Variants in BTN3A3 observed in about 807,000 individuals in gnomAD.
BTN3A3 encodes butyrophilin 3.
BTN3A3 carries 39 observed loss-of-function variants against 43.2 expected under a neutral mutation model. That is an observed-to-expected ratio of 0.90 (90% confidence interval 0.70 to 1.18). BTN3A3 has a LOEUF of 1.18. Ranked by LOEUF, BTN3A3 falls within the 50% of genes most tolerant of loss-of-function variation. The probability of loss-of-function intolerance (pLI) is 0.00; values close to 1 mark genes in which losing one functional copy is unlikely to be tolerated. For missense variants in BTN3A3, 631 were observed against 722.8 expected (o/e 0.87, Z 1.46); for synonymous variants, 255 against 272.7 (o/e 0.93, Z 0.64).
intron 5 of BTN3A3, among the ~76,000 whole-genome samples, chr6:26,446,627 A>G (rs1460824504): frequency 6.6e-6 from 1 of 152,212 alleles, no homozygotes; most frequent in Non-Finnish European, 1.5e-5. Context: ...TGGGGGATCT[A>G]TCCAAACTAC....
At chr6:26,450,911 G>A (rs185415471) in intron 10 of BTN3A3, among the ~76,000 whole-genome samples, 1 of 152,192 alleles carries the variant, frequency 6.6e-6, no homozygotes, top group Non-Finnish European at 1.5e-5. Context: ...GGAAGCAGGA[G>A]AATAAACAGT....
In BTN3A3 at chr6:26,451,707, G is replaced by T; in HGVS notation, c.1051G>T (p.Ala351Ser). 1 of 1,613,814 alleles carries T rather than the reference G, an allele frequency of 6.2e-7. No individual in the cohort carries two copies. The highest frequency in any genetic ancestry group is 8.5e-7 in the Non-Finnish European group (1 of 1,179,822). The change falls in exon 11 of 11, where the codon GCC (alanine) becomes TCC (serine). Residue 351 changes from alanine to serine, a missense_variant. Physicochemically the swap from Ala to Ser is moderately conservative, Grantham distance 99. Coordinates refer to ENST00000244519, the MANE Select transcript of BTN3A3 (RefSeq NM_006994.5). ...DVILDPDTANAILLVSEDQRS... is the reference protein window; with the variant it reads ...DVILDPDTANSILLVSEDQRS... The stretch of plus-strand genomic sequence containing the variant: ...GATTCTGGATCCAGACACGGCAAAC[G>T]CCATCCTCCTTGTTTCTGAGGACCA...
intron 1 of BTN3A3, among the ~76,000 whole-genome samples, chr6:26,441,101 C>T (rs1762623373): frequency 6.6e-6 from 1 of 152,122 alleles, no homozygotes; most frequent in Non-Finnish European, 1.5e-5. Flanking sequence ...TACAGAAATA[C>T]TTATAATATA....
Position 26,452,132 on chromosome 6 carries a change from T to C in BTN3A3, c.1476T>C (p.Ser492=). The C allele has an allele frequency of 6.2e-7, 1 of 1,614,192 alleles. No homozygotes were observed. The highest frequency in any genetic ancestry group is 8.5e-7 in the Non-Finnish European group (1 of 1,180,028). Residue 492 remains serine, a synonymous_variant, in exon 11 of 11, where the codon TCT becomes TCC. Coordinates refer to ENST00000244519, the MANE Select transcript of BTN3A3 (RefSeq NM_006994.5). ...HIYTFPHASF[S]EPLYPVFRIL... is the part of the protein sequence containing the mutation. ...ACACCTTTCCGCACGCCTCTTTCTC[T>C]GAGCCTCTATATCCTGTTTTCAGAA...
Position 26,448,752 on chromosome 6 carries a change from C to T in BTN3A3, c.962C>T (p.Ala321Val), listed in dbSNP as rs768851182. The T allele has an allele frequency of 6.8e-6, 11 of 1,613,792 alleles. No individual in the cohort carries two copies. The African/African-American group carries it at 1.5e-4, about 22-fold the overall frequency. The change falls in exon 8 of 11, where the codon GCT (alanine) becomes GTT (valine). Residue 321 changes from alanine (A) to valine (V), a missense_variant and splice_region_variant. Around this residue, in one of 2 missense-constraint regions of BTN3A3, gnomAD observed 551 missense variants for 584.0 expected, o/e 0.94. Transcript: ENST00000244519. ...GAGTGGAGGAAAATCCAGTACATGG[C>T]TCGTGAGTGACTCTGACATTTTCTC... ...ELKWRKIQYM[A>V]RGEKSLAYHE...
chr6:26,450,300 T>G, intron 10 of BTN3A3, 167 bp downstream of exon 10: 2 of 757,960 alleles, frequency 2.6e-6, no homozygotes, highest in Non-Finnish European at 2.1e-6. Context: ...TCCAAGACCC[T>G]TCCCGCTGAG....
rs753855926 is a variant in BTN3A3 at position 26,448,297 on chromosome 6, C to T, written c.765C>T (p.Thr255=). The T allele has an allele frequency of 3.7e-6, 6 of 1,613,678 alleles. No individual in the cohort carries two copies. The African/African-American group carries it at 5.4e-5, about 14-fold the overall frequency. Residue 255 remains threonine (T), a synonymous_variant, in exon 6 of 11, where the codon ACC becomes ACT. Transcript: ENST00000244519. Reference sequence around the variant, plus strand: ...CCTGGATCGCGGCCCTGGCAGGGACCCTGCCTATCTCGTTGCTGCTTCTCG... The same window carrying T: ...CCTGGATCGCGGCCCTGGCAGGGACTCTGCCTATCTCGTTGCTGCTTCTCG... The part of the protein sequence containing the change: ...AQPWIAALAG[T]LPISLLLLAG...
chr6:26,452,094 G>C lies in BTN3A3; in HGVS notation c.1438G>C (p.Gly480Arg). 6.2e-7 allele frequency: 1 copy of C among 1,613,834 alleles called. No individual in the cohort carries two copies. Among genetic ancestry groups the C allele is most frequent in the Non-Finnish European group, 8.5e-7 (1 of 1,179,938 alleles). ...GEISFYNATD[G>R]SHIYTFPHAS... ...GATCTCGTTCTATAATGCCACAGAT[G>C]GATCTCATATCTACACCTTTCCGCA... The change falls in exon 11 of 11, where the codon GGA (glycine) becomes CGA (arginine). Residue 480 changes from glycine to arginine, a missense_variant. This residue lies in a region of BTN3A3 where 551 missense variants were observed against 584.0 expected (regional missense o/e 0.94). Coordinates refer to ENST00000244519, the MANE Select transcript of BTN3A3 (RefSeq NM_006994.5).
Position 26,451,754 on chromosome 6 carries a change from A to G in BTN3A3, c.1098A>G (p.Glu366=), listed in dbSNP as rs1490086906. Residue 366 remains glutamate, a synonymous_variant, in exon 11 of 11, where the codon GAA becomes GAG. Transcript: ENST00000244519. ...ACCAGAGGAGTGTGCAGCGTGCTGA[A>G]GAGCCGCGGGATCTGCCAGACAACC... ...SEDQRSVQRA[E]EPRDLPDNPE... 8.7e-6 allele frequency: 14 copies of G among 1,614,056 alleles called. No homozygotes were observed. The highest frequency in any genetic ancestry group is 1.7e-5 in the Admixed American group (1 of 60,012).
chr6:26,449,918 C>T (rs1762883768), intron 9 of BTN3A3, among the ~76,000 whole-genome samples, 189 bp from the exon 10 acceptor site: 1 of 152,118 alleles, frequency 6.6e-6, no homozygotes, highest in Admixed American at 6.5e-5. Context: ...CCCCCCATGG[C>T]ACAGGGAGCC....
chr6:26,445,652 C>A, intron 4 of BTN3A3, 52 bp from the exon 5 acceptor site: 1 of 1,575,900 alleles, frequency 6.3e-7, no homozygotes. Flanking sequence ...CCATTGAGAC[C>A]CTCCCTGATA....
chr6:26,445,270 TGGC>T, intron 4 of BTN3A3: 1 of 178,762 alleles, frequency 5.6e-6, no homozygotes. Context: ...CCTTGCCTCA[TGGC>T]TTCTGGTTGG....
chr6:26,448,710 C>T lies in BTN3A3; in HGVS notation c.938-18C>T. The T allele has an allele frequency of 6.2e-7, 1 of 1,614,088 alleles. No homozygotes were observed. The highest frequency in any genetic ancestry group is 8.5e-7 in the Non-Finnish European group (1 of 1,180,004). On this transcript the variant is annotated intron_variant, in intron 7 of 10. Coordinates refer to ENST00000244519, the MANE Select transcript of BTN3A3 (RefSeq NM_006994.5). ...CTTTGAGCACCTTGATAACCCTTCC[C>T]TATTCATTCCATTGCAGAGTGGAGG...
rs750222608 is a variant in BTN3A3, at chr6:26,452,202, AAAG to A, written c.1550_1552del (p.Glu517del). On this transcript the variant is annotated inframe_deletion, in exon 11 of 11. Coordinates refer to ENST00000244519, the MANE Select transcript of BTN3A3 (RefSeq NM_006994.5). ...TGCCCTGACCATTTGCCCAATACCA[AAAG>A]AAGTAGAGAGTTCCCCCGATCCTGA... The A allele has an allele frequency of 1.0e-4, 161 of 1,613,952 alleles. No homozygotes were observed. The highest frequency in any genetic ancestry group is 1.1e-4 in the Non-Finnish European group (131 of 1,180,014).
intron 4 of BTN3A3, chr6:26,444,626 T>C (rs1762725448): frequency 4.1e-6 from 2 of 492,304 alleles, no homozygotes; most frequent in Admixed American, 6.7e-5. Context: ...TTTAGTCATG[T>C]AACAGACGGC....
chr6:26,449,065 A>G (rs1762859476), intron 8 of BTN3A3, among the ~76,000 whole-genome samples: 1 of 152,106 alleles, frequency 6.6e-6, no homozygotes, highest in South Asian at 2.1e-4. Flanking sequence ...AGAGAGAAGG[A>G]TGAGGTGCAT....
chr6:26,448,636 C>T lies in BTN3A3; in HGVS notation c.936C>T (p.Leu312=), dbSNP rs776397809. The T allele has an allele frequency of 1.1e-5, 17 of 1,613,770 alleles. No individual in the cohort carries two copies. In the Admixed American group the frequency reaches 1.8e-4, roughly 17 times the overall value. Residue 312 remains leucine, a splice_region_variant and synonymous_variant, in exon 7 of 11, where the codon CTC becomes CTT. Coordinates refer to ENST00000244519, the MANE Select transcript of BTN3A3 (RefSeq NM_006994.5). ...TTCCAGAGAAGCTCCAGGAGGAACT[C>T]AGTAAGTTCCCATTCCCCAGGAGAC... ...ISLREKLQEE[L]KWRKIQYMAR...
chr6:26,443,716 A>G, intron 3 of BTN3A3, 57 bp downstream of exon 3: 2 of 1,582,104 alleles, frequency 1.3e-6, no homozygotes, highest in East Asian at 4.5e-5. Context: ...AATTATCTCA[A>G]TTACCTAATT....
chr6:26,451,841 T>A lies in BTN3A3; in HGVS notation c.1185T>A (p.His395Gln), dbSNP rs142830190. Residue 395 changes from histidine (H) to glutamine (Q), a missense_variant, in exon 11 of 11, where the codon CAT (histidine) becomes CAA (glutamine). His to Gln is a conservative substitution (Grantham distance 24). Transcript: ENST00000244519. ...GTGAAAACTTCACATCAGGGAGACA[T>A]TACTGGGAGGTGGAAGTGGGGGACA... Reference protein sequence around the residue: ...LGCENFTSGRHYWEVEVGDRK... With the variant: ...LGCENFTSGRQYWEVEVGDRK... 4 of 1,614,020 alleles carry A rather than the reference T, an allele frequency of 2.5e-6. No individual in the cohort carries two copies. In the Admixed American group the frequency reaches 6.7e-5, roughly 27 times the overall value.
Sources: allele counts gnomAD v4.1 joint callset (sites outside exome capture counted in the v4.1 genomes callset), GRCh38; gene constraint gnomAD v4.1.1; regional missense constraint gnomAD v4.1.1; transcripts MANE v1.5; gene names NCBI Gene and HGNC (gene_info 2026-07-23, HGNC 2026-07-21).